The following AZIN2 variants were observed in gnomAD, a reference collection of about 807,000 sequenced individuals.
AZIN2 encodes the protein ODC antizyme inhibitor-2.
In AZIN2, 28 loss-of-function variants were observed where a neutral mutation model predicts 47.8. The observed-to-expected ratio is 0.59, with a 90% CI of 0.43 to 0.80. The LOEUF is 0.80. Ranked by LOEUF, AZIN2 falls within the 30% of genes least tolerant of loss-of-function variation. The pLI is 0.00. For missense variants in AZIN2, 535 were observed against 582.5 expected (o/e 0.92, Z 0.84); for synonymous variants, 221 against 239.4 (o/e 0.92, Z 0.71).
At chr1:33,082,409 T>G (rs1355728668) in intron 4 of AZIN2, 55 bp downstream of exon 4, 1 of 1,363,360 alleles carries the variant, frequency 7.3e-7, no homozygotes, top group Non-Finnish European at 1.0e-6. Flanking sequence ...ATCAGCTGCC[T>G]CCTCAGGAAG....
At chr1:33,147,372 G>C in the AZIN2 span, 1 of 1,614,082 alleles carries the variant, frequency 6.2e-7, no homozygotes, top group Non-Finnish European at 8.5e-7. This position sits in a 1 kb window ranked among gnomAD's most constrained non-coding sequence, Gnocchi z 8.1. Context: ...TGTCAAGCTT[G>C]TCCCGGACGT....
chr1:33,125,011 T>C (rs974509550), downstream of AZIN2, among the ~76,000 whole-genome samples: 26 of 152,220 alleles, frequency 1.7e-4, no homozygotes, highest in African/African-American at 5.1e-4. Flanking sequence ...AGCAGCATGA[T>C]TTATAATCCT....
chr1:33,131,645 TATTAA>T, the AZIN2 span, among the ~76,000 whole-genome samples: 1 of 152,036 alleles, frequency 6.6e-6, no homozygotes, highest in Non-Finnish European at 1.5e-5. Context: ...AATTAAAATA[TATTAA>T]ATTAATTTCA....
At chr1:33,159,953 G>A in the AZIN2 span, 10 of 1,599,516 alleles carry the variant, frequency 6.3e-6, no homozygotes, top group Middle Eastern at 1.6e-4. This position sits in a 1 kb window ranked among gnomAD's most constrained non-coding sequence, Gnocchi z 4.2. Context: ...GACTGTGGGG[G>A]ACAGTCGTCA....
At chr1:33,150,232 G>A in the AZIN2 span, among the ~76,000 whole-genome samples, 1 of 152,348 alleles carries the variant, frequency 6.6e-6, no homozygotes, top group South Asian at 2.1e-4. Flanking sequence ...TGGACATCCA[G>A]CTCTCTGGCT....
At chr1:33,145,597 C>T in the AZIN2 span, 4 of 201,352 alleles carry the variant, frequency 2.0e-5, no homozygotes, top group Non-Finnish European at 3.1e-5. Flanking sequence ...TTAGCTCTTC[C>T]GGCTACTTTG....
At chr1:33,084,274 A>C in intron 5 of AZIN2, 147 bp downstream of exon 5, 9 of 843,330 alleles carry the variant, frequency 1.1e-5, no homozygotes, top group Non-Finnish European at 1.6e-5. Flanking sequence ...GAGGGGTCTC[A>C]AGGGATGAGG....
intron 10 of AZIN2, among the ~76,000 whole-genome samples, chr1:33,105,634 C>A (rs528585373): frequency 6.6e-6 from 1 of 152,094 alleles, no homozygotes; most frequent in Non-Finnish European, 1.5e-5. Context: ...ATAGCATGGG[C>A]GAAACTGCCC....
At position 33,122,679 on chromosome 1, in the gene AZIN2, G is replaced by C. The variant is rs1031653458; in HGVS notation, c.*2497G>C. 2.6e-5 allele frequency among the ~76,000 whole-genome samples: 4 copies of C among 152,080 alleles called. No homozygotes were observed. Among genetic ancestry groups the C allele is most frequent in the Non-Finnish European group, 5.9e-5 (4 of 68,010 alleles). ...GCTCCTCATGCCTCCTGGCTGCCTT[G>C]GAAGTCAGATGTTCCTGTTGGCCTA... is the stretch of plus-strand genomic sequence containing the variant. On this transcript the variant is annotated 3_prime_UTR_variant, in exon 12 of 12. Transcript: ENST00000294517.
the AZIN2 span, chr1:33,160,064 G>T: frequency 7.7e-7 from 1 of 1,306,122 alleles, no homozygotes; most frequent in Non-Finnish European, 1.0e-6. Context: ...GGGCACGCGT[G>T]GTGGGGGAAA....
chr1:33,127,306 G>A (rs765993913), downstream of AZIN2, among the ~76,000 whole-genome samples: 1 of 152,246 alleles, frequency 6.6e-6, no homozygotes, highest in Non-Finnish European at 1.5e-5. Context: ...TTCCGGTAGC[G>A]TAAAGTCACT....
At chr1:33,156,395 A>T in the AZIN2 span, among the ~76,000 whole-genome samples, 1 of 152,150 alleles carries the variant, frequency 6.6e-6, no homozygotes, top group East Asian at 1.9e-4. Context: ...CCTGTTGCTA[A>T]ATCTGGAGAA....
At chr1:33,123,867 G>A (rs1436577521), downstream of AZIN2, among the ~76,000 whole-genome samples, 2 of 152,082 alleles carry the variant, frequency 1.3e-5, no homozygotes, top group South Asian at 2.1e-4. Context: ...GTGTGGTGGC[G>A]GCACCTGTAA....
chr1:33,093,519 G>T (rs953985103), intron 7 of AZIN2, 103 bp downstream of exon 7: 1 of 1,376,476 alleles, frequency 7.3e-7, no homozygotes. Context: ...TCTGAGTAGG[G>T]CCTGTCCCTG....
the AZIN2 span, chr1:33,146,980 C>A: frequency 1.6e-6 from 1 of 621,978 alleles, no homozygotes; most frequent in South Asian, 2.0e-5. Context: ...GTCAGAGCTA[C>A]AGAACATCGA....
chr1:33,134,940 C>T, the AZIN2 span, among the ~76,000 whole-genome samples: 6 of 152,320 alleles, frequency 3.9e-5, no homozygotes, highest in African/African-American at 1.4e-4. Flanking sequence ...CCCTCCCTGC[C>T]TCCAGCTGTG....
the AZIN2 span, among the ~76,000 whole-genome samples, chr1:33,159,336 T>C: frequency 6.6e-6 from 1 of 152,096 alleles, no homozygotes; most frequent in African/African-American, 2.4e-5. This position sits in a 1 kb window ranked among gnomAD's most constrained non-coding sequence, Gnocchi z 4.2. Context: ...CTATCTATAA[T>C]GTATACAGAA....
At chr1:33,082,017 C>T in intron 3 of AZIN2, 161 bp from the exon 4 acceptor site, 7 of 552,714 alleles carry the variant, frequency 1.3e-5, no homozygotes, top group Non-Finnish European at 2.3e-5. Context: ...TTGTCTCCGT[C>T]TGAAATCCGG....
At chr1:33,107,050 G>A (rs1185352247) in intron 10 of AZIN2, among the ~76,000 whole-genome samples, 1 of 152,192 alleles carries the variant, frequency 6.6e-6, no homozygotes, top group Non-Finnish European at 1.5e-5. Context: ...ACTTTGGGAG[G>A]CCAAGGCTGG....
Sources: allele counts gnomAD v4.1 joint callset (sites outside exome capture counted in the v4.1 genomes callset), GRCh38; gene constraint gnomAD v4.1.1; non-coding constraint Gnocchi (gnomAD v3.1); transcripts MANE v1.5; gene names NCBI Gene and HGNC (gene_info 2026-07-23, HGNC 2026-07-21).